The following KCNMA1 variants were observed in gnomAD, a reference collection of about 807,000 sequenced individuals.
The protein encoded by KCNMA1 is Calcium-activated potassium channel subunit alpha-1.
Under a neutral mutation model 140.0 loss-of-function variants are expected in KCNMA1, and 29 were observed. That is an observed-to-expected ratio of 0.21 (90% CI 0.15 to 0.28). KCNMA1 has a LOEUF of 0.28. Among genes scored for constraint, KCNMA1 ranks in the 10% least tolerant of loss-of-function variants. KCNMA1 has a pLI of 1.00. For synonymous variants in KCNMA1, 612 were observed against 611.9 expected (o/e 1.00, Z 0.00); for missense variants, 880 against 1,602.2 (o/e 0.55, Z 7.70).
chr10:77,382,058 T>C (rs2095408653), intron 2 of KCNMA1, among the ~76,000 whole-genome samples: 2 of 152,170 alleles, frequency 1.3e-5, no homozygotes, highest in Admixed American at 1.3e-4. Flanking sequence ...AGGCCCTTCA[T>C]CTAGGAAGAG....
intron 14 of KCNMA1, among the ~76,000 whole-genome samples, chr10:77,060,691 G>C (rs895453455): frequency 6.6e-6 from 1 of 152,178 alleles, no homozygotes; most frequent in Admixed American, 6.5e-5. Flanking sequence ...TTGCATGTGG[G>C]ATGAATGTAG....
intron 20 of KCNMA1, among the ~76,000 whole-genome samples, chr10:76,957,677 G>A (rs1190074545): frequency 6.6e-6 from 1 of 152,196 alleles, no homozygotes; most frequent in Admixed American, 6.5e-5. Flanking sequence ...ACAGCTAGAA[G>A]AATTTTGAAA....
intron 6 of KCNMA1, among the ~76,000 whole-genome samples, chr10:77,117,673 G>A (rs902013554): frequency 2.0e-5 from 3 of 151,908 alleles, no homozygotes; most frequent in South Asian, 2.1e-4. Context: ...CACAGTCAAT[G>A]AGATGTGGAA....
At chr10:77,012,395 C>T in intron 17 of KCNMA1, 1 of 1,535,894 alleles carries the variant, frequency 6.5e-7, no homozygotes, top group Non-Finnish European at 8.8e-7. Flanking sequence ...GCCCTGGGCC[C>T]TTGGTGGGGA....
At chr10:77,008,256 T>C (rs2153439776) in intron 18 of KCNMA1, 2 of 1,465,910 alleles carry the variant, frequency 1.4e-6, no homozygotes, top group South Asian at 1.3e-5. Context: ...AGAAAAAAAA[T>C]AAATCAAAGA....
intron 3 of KCNMA1, among the ~76,000 whole-genome samples, chr10:77,206,092 A>G (rs1301708202): frequency 6.6e-6 from 1 of 152,198 alleles, no homozygotes; most frequent in African/African-American, 2.4e-5. Flanking sequence ...CCATTTGCAA[A>G]TAAGCCCATT....
At chr10:77,158,638 T>TC (rs776217818) in intron 5 of KCNMA1, among the ~76,000 whole-genome samples, 116 of 152,210 alleles carry the variant, frequency 7.6e-4, no homozygotes, top group Non-Finnish European at 1.5e-3. Context: ...TGAGTGGAAA[T>TC]CTCATTTTTG....
intron 19 of KCNMA1, chr10:76,977,615 A>T: frequency 2.8e-6 from 2 of 702,970 alleles, no homozygotes; most frequent in Non-Finnish European, 5.2e-6. Context: ...TCCAGTCTCC[A>T]CAAAGAACAA....
intron 2 of KCNMA1, among the ~76,000 whole-genome samples, chr10:77,283,924 G>A (rs560510205): frequency 9.9e-4 from 151 of 152,272 alleles, no homozygotes; most frequent in African/African-American, 3.5e-3. Context: ...CAAGAAAGTC[G>A]CACTGGAGCT....
At position 77,000,857 on chromosome 10, in the gene KCNMA1, AAT is replaced by A. The variant is rs56359933; in HGVS notation, c.2266+548_2266+549del. Among the ~76,000 whole-genome samples the A allele has an allele frequency of 7.3e-3, 268 of 36,606 alleles. 1 individual carries two copies. Among genetic ancestry groups the A allele is most frequent in the Admixed American group, 0.022 (74 of 3,396 alleles). 24.0% of individuals were successfully genotyped at this position (36,606 alleles called of 152,430 possible). A position where few individuals can be genotyped will look rare whatever the true frequency, so the allele number is the denominator to read the frequency against. Reference sequence around the variant, plus strand: ...GGTTAGAGAGACATAGTAAAAAGAAAATATATATATATATATATATATATATA... The same window carrying A: ...GGTTAGAGAGACATAGTAAAAAGAAAATATATATATATATATATATATATA... On this transcript the variant is annotated intron_variant, in intron 19 of 27. Coordinates refer to ENST00000286628, the MANE Select transcript of KCNMA1 (RefSeq NM_001161352.2).
rs3068684 is a variant in KCNMA1, at chr10:77,184,062, TCA to T, written c.697-532_697-531del. On this transcript the variant is annotated intron_variant, in intron 4 of 27. Coordinates refer to ENST00000286628, the MANE Select transcript of KCNMA1 (RefSeq NM_001161352.2). ...ATAAATAAAGCACATATGTACGCAT[TCA>T]CACACACACACACACACACACACAC... Among the ~76,000 whole-genome samples the T allele has an allele frequency of 6.9e-3, 1,019 of 147,720 alleles. 8 individuals are homozygous for T. The highest frequency in any genetic ancestry group is 0.039 in the South Asian group (180 of 4,614).
chr10:76,963,199 T>A, intron 20 of KCNMA1, among the ~76,000 whole-genome samples: 1 of 152,198 alleles, frequency 6.6e-6, no homozygotes, highest in East Asian at 1.9e-4. Context: ...TGGGCCCCCA[T>A]CACTTCAAGC....
intron 25 of KCNMA1, among the ~76,000 whole-genome samples, chr10:76,896,483 C>T (rs537957207): frequency 3.0e-4 from 45 of 152,202 alleles, no homozygotes; most frequent in African/African-American, 7.9e-4. Flanking sequence ...GGTCCTGAGG[C>T]GACATACATC....
chr10:77,486,403 G>A (rs192464359), intron 1 of KCNMA1, among the ~76,000 whole-genome samples: 26 of 152,090 alleles, frequency 1.7e-4, no homozygotes, highest in African/African-American at 6.3e-4. Context: ...CATAGCTGAG[G>A]TATTGTTTTC....
chr10:77,126,710 GCCCCCCA>G (rs2097742954), intron 5 of KCNMA1, among the ~76,000 whole-genome samples: 1 of 16,748 alleles, frequency 6.0e-5, no homozygotes, highest in African/African-American at 1.9e-4. Context: ...CAGTGGTGGT[GCCCCCCA>G]CCCCCCCACC....
chr10:77,532,079 C>T (rs955067355), intron 1 of KCNMA1, among the ~76,000 whole-genome samples: 1 of 152,232 alleles, frequency 6.6e-6, no homozygotes, highest in Non-Finnish European at 1.5e-5. Flanking sequence ...CTCATTATCT[C>T]TCTGAAGTGT....
intron 2 of KCNMA1, among the ~76,000 whole-genome samples, chr10:77,388,050 A>T (rs2095680104): frequency 6.6e-6 from 1 of 152,236 alleles, no homozygotes; most frequent in Non-Finnish European, 1.5e-5. Context: ...AAAGATGATG[A>T]AAGTTCACCA....
At chr10:77,348,504 G>T (rs2092477691) in intron 2 of KCNMA1, among the ~76,000 whole-genome samples, 1 of 152,166 alleles carries the variant, frequency 6.6e-6, no homozygotes, top group Admixed American at 6.5e-5. Flanking sequence ...CCAGGGAAAG[G>T]AGGTCAGCCT....
intron 2 of KCNMA1, among the ~76,000 whole-genome samples, chr10:77,319,336 G>T (rs911488771): frequency 6.6e-6 from 1 of 152,178 alleles, no homozygotes; most frequent in Non-Finnish European, 1.5e-5. Flanking sequence ...GATTTCACAG[G>T]TAAGGCAGAA....
Sources: allele counts gnomAD v4.1 joint callset (sites outside exome capture counted in the v4.1 genomes callset), GRCh38; gene constraint gnomAD v4.1.1; transcripts MANE v1.5; gene names NCBI Gene and HGNC (gene_info 2026-07-23, HGNC 2026-07-21).